The following ADAMTS17 variants were observed in gnomAD, a reference collection of about 807,000 sequenced individuals.
The protein encoded by ADAMTS17 is A disintegrin and metalloproteinase with thrombospondin motifs 17.
ADAMTS17 carries 113 observed loss-of-function variants against 141.5 expected under a neutral mutation model. That is an observed-to-expected ratio of 0.80 (90% CI 0.69 to 0.93). The LOEUF is 0.93. Among genes scored for constraint, ADAMTS17 ranks in the 40% least tolerant of loss-of-function variants. The pLI is 0.00. For synonymous variants in ADAMTS17, 768 were observed against 630.6 expected (o/e 1.22, Z -3.27); for missense variants, 1,659 against 1,517.9 (o/e 1.09, Z -1.54).
At chr15:100,232,598 C>T (rs1188036242) in intron 7 of ADAMTS17, among the ~76,000 whole-genome samples, 8 of 152,240 alleles carry the variant, frequency 5.3e-5, no homozygotes, top group South Asian at 2.1e-4. Flanking sequence ...GAAGGTCTCA[C>T]GCTGGGCAGC....
rs1828069122 is a variant in ADAMTS17 at position 100,295,485 on chromosome 15, A to G, written c.617-14084T>C. Among the ~76,000 whole-genome samples, 3 of 152,114 alleles carry G rather than the reference A, an allele frequency of 2.0e-5. No homozygotes were observed. In the South Asian group the frequency reaches 6.2e-4, roughly 31 times the overall value. The stretch of plus-strand genomic sequence containing the variant: ...GGTTCCAGCCTCCAGCTCTTGGGCT[A>G]TTACAGGACCCAGCCTCCCCATGCT... On this transcript the variant is annotated intron_variant, in intron 3 of 21. Transcript: ENST00000268070.
At chr15:100,202,140 G>C (rs2041358201) in intron 7 of ADAMTS17, among the ~76,000 whole-genome samples, 1 of 152,174 alleles carries the variant, frequency 6.6e-6, no homozygotes, top group African/African-American at 2.4e-5. Flanking sequence ...AGAACCGGCA[G>C]ACCTCAAATG....
chr15:100,061,419 C>T (rs983244657), intron 15 of ADAMTS17, among the ~76,000 whole-genome samples: 1 of 152,152 alleles, frequency 6.6e-6, no homozygotes, highest in African/African-American at 2.4e-5. Context: ...GAGCCACTAT[C>T]GCGGATGCTA....
At chr15:100,089,855 A>G in intron 15 of ADAMTS17, among the ~76,000 whole-genome samples, 1 of 140,212 alleles carries the variant, frequency 7.1e-6, no homozygotes, top group Non-Finnish European at 1.5e-5. Context: ...GGGGGGAGGG[A>G]TAGCATTAGG....
At chr15:100,060,585 G>C (rs973098591) in intron 15 of ADAMTS17, among the ~76,000 whole-genome samples, 49 of 152,352 alleles carry the variant, frequency 3.2e-4, no homozygotes, top group Middle Eastern at 3.4e-3. Context: ...GAGCTGCACA[G>C]AAGCCCGAGT....
chr15:100,131,685 T>C lies in ADAMTS17; in HGVS notation c.1721+322A>G, dbSNP rs1392903127. 2.0e-5 allele frequency among the ~76,000 whole-genome samples: 3 copies of C among 152,302 alleles called. No homozygotes were observed. In the East Asian group the frequency reaches 5.8e-4, roughly 29 times the overall value. ...AGAGACAGCCAGTGTGGAATGACCC[T>C]GGACTTGCTAAACCACGGGCAGGCT... On this transcript the variant is annotated intron_variant, in intron 12 of 21. Transcript: ENST00000268070.
intron 10 of ADAMTS17, among the ~76,000 whole-genome samples, chr15:100,139,846 TAAACG>T (rs1306783935): frequency 1.3e-5 from 2 of 152,154 alleles, no homozygotes; most frequent in African/African-American, 4.8e-5. Flanking sequence ...ACATGACAAC[TAAACG>T]TGAAATAGGA....
rs189675637 is a variant in ADAMTS17, at chr15:100,105,608, G to C, written c.2016+3381C>G. ...GTATTTGGGAGTGAAGCCTCTGGGAGGTGATTAGGTCAAGAGGGGGTAGAG... is the reference window on the plus strand; with the variant it reads ...GTATTTGGGAGTGAAGCCTCTGGGACGTGATTAGGTCAAGAGGGGGTAGAG... On this transcript the variant is annotated intron_variant, in intron 14 of 21. Transcript: ENST00000268070. Among the ~76,000 whole-genome samples, 1,069 of 152,304 alleles carry C rather than the reference G, an allele frequency of 7.0e-3. 4 individuals are homozygous for C. The highest frequency in any genetic ancestry group is 0.012 in the Non-Finnish European group (783 of 68,024).
At chr15:100,105,937 C>T (rs916586585) in intron 14 of ADAMTS17, among the ~76,000 whole-genome samples, 5 of 152,136 alleles carry the variant, frequency 3.3e-5, no homozygotes, top group African/African-American at 7.2e-5. Context: ...GTGATCTGCC[C>T]GCCTTGGCCT....
At chr15:100,335,803 A>G (rs1382072933) in intron 2 of ADAMTS17, among the ~76,000 whole-genome samples, 1 of 152,242 alleles carries the variant, frequency 6.6e-6, no homozygotes, top group African/African-American at 2.4e-5. Flanking sequence ...GCAGGCAGAA[A>G]GGTTCAAAGG....
intron 18 of ADAMTS17, among the ~76,000 whole-genome samples, chr15:100,047,539 G>A (rs951992797): frequency 7.9e-5 from 12 of 151,752 alleles, no homozygotes; most frequent in South Asian, 6.3e-4. Flanking sequence ...GCCAGCCGAC[G>A]CTTAGGGAAA....
At chr15:100,174,047 C>G (rs150176640) in intron 8 of ADAMTS17, among the ~76,000 whole-genome samples, 1 of 152,222 alleles carries the variant, frequency 6.6e-6, no homozygotes, top group East Asian at 1.9e-4. Flanking sequence ...AAACACAGAT[C>G]AAGCCCCCTC....
intron 13 of ADAMTS17, among the ~76,000 whole-genome samples, chr15:100,110,869 G>A (rs780352400): frequency 3.9e-5 from 6 of 152,148 alleles, no homozygotes; most frequent in Non-Finnish European, 8.8e-5. Context: ...CAGAGTTCCT[G>A]TCAGAGCAGA....
At chr15:100,246,415 T>A (rs1486012762) in intron 7 of ADAMTS17, among the ~76,000 whole-genome samples, 1 of 152,208 alleles carries the variant, frequency 6.6e-6, no homozygotes, top group African/African-American at 2.4e-5. Flanking sequence ...TTGAAACCTT[T>A]CATAAAACCT....
At chr15:100,023,169 G>C (rs990354266) in intron 18 of ADAMTS17, among the ~76,000 whole-genome samples, 2 of 151,866 alleles carry the variant, frequency 1.3e-5, no homozygotes, top group Non-Finnish European at 2.9e-5. Flanking sequence ...GTTTTCCCTT[G>C]TCAACTTTTG....
intron 10 of ADAMTS17, among the ~76,000 whole-genome samples, chr15:100,147,013 T>C (rs1368403550): frequency 6.6e-6 from 1 of 152,204 alleles, no homozygotes; most frequent in African/African-American, 2.4e-5. Context: ...CCTGTGGTCC[T>C]GTGATCTCGC....
At chr15:100,078,583 G>A (rs2034532936) in intron 15 of ADAMTS17, among the ~76,000 whole-genome samples, 1 of 152,184 alleles carries the variant, frequency 6.6e-6, no homozygotes, top group Admixed American at 6.5e-5. Context: ...ATGGATCACA[G>A]ATGTAAATAT....
At chr15:100,214,857 C>T (rs1466219965) in intron 7 of ADAMTS17, among the ~76,000 whole-genome samples, 1 of 152,244 alleles carries the variant, frequency 6.6e-6, no homozygotes, top group Non-Finnish European at 1.5e-5. Flanking sequence ...TCACTATGAG[C>T]ACAACGACAC....
chr15:100,116,455 T>A (rs1433020105), intron 13 of ADAMTS17, among the ~76,000 whole-genome samples: 1 of 152,238 alleles, frequency 6.6e-6, no homozygotes, highest in East Asian at 1.9e-4. Context: ...AATACAGGGA[T>A]CATCCACATT....
Sources: allele counts gnomAD v4.1 joint callset (sites outside exome capture counted in the v4.1 genomes callset), GRCh38; gene constraint gnomAD v4.1.1; transcripts MANE v1.5; gene names NCBI Gene and HGNC (gene_info 2026-07-23, HGNC 2026-07-21).